Variants in FHIP1A observed in about 807,000 individuals in gnomAD.
The protein encoded by FHIP1A is FHF complex subunit HOOK interacting protein 1A, also known as FHF complex subunit HOOK-interacting protein 1A.
A neutral mutation model predicts 88.6 loss-of-function variants in FHIP1A; 61 were observed. The observed-to-expected ratio is 0.69, with a 90% confidence interval of 0.56 to 0.85. FHIP1A has a LOEUF of 0.85. Among genes scored for constraint, FHIP1A ranks in the 40% least tolerant of loss-of-function variants. FHIP1A has a pLI of 0.00. For missense variants in FHIP1A, 1,154 were observed against 1,273.5 expected (o/e 0.91, Z 1.43); for synonymous variants, 478 against 496.0 (o/e 0.96, Z 0.48).
At chr4:151,516,781 T>A (rs1367584519) in intron 3 of FHIP1A, among the ~76,000 whole-genome samples, 5 of 151,582 alleles carry the variant, frequency 3.3e-5, no homozygotes, top group Non-Finnish European at 5.9e-5. Flanking sequence ...AGAATGGCAA[T>A]CATTCAAAAG....
chr4:151,556,231 T>G (rs1164832362), intron 3 of FHIP1A, among the ~76,000 whole-genome samples: 1 of 152,158 alleles, frequency 6.6e-6, no homozygotes, highest in Non-Finnish European at 1.5e-5. Flanking sequence ...GCTGCTAATT[T>G]CCTTACCAGT....
intron 3 of FHIP1A, among the ~76,000 whole-genome samples, chr4:151,492,671 T>A (rs191507185): frequency 6.6e-6 from 1 of 151,906 alleles, no homozygotes; most frequent in Non-Finnish European, 1.5e-5. Flanking sequence ...TGGAAATTAA[T>A]TCCAACAGGA....
chr4:151,513,930 ACTCAGCT>A (rs1397576606), intron 3 of FHIP1A, among the ~76,000 whole-genome samples: 1 of 150,608 alleles, frequency 6.6e-6, no homozygotes. Context: ...CAGGAATTGA[ACTCAGCT>A]CTGCACCAAG....
intron 2 of FHIP1A, among the ~76,000 whole-genome samples, chr4:151,480,313 A>G (rs1166579719): frequency 6.6e-6 from 1 of 152,090 alleles, no homozygotes; most frequent in Non-Finnish European, 1.5e-5. Flanking sequence ...AAGTAAAAGC[A>G]TATGTGTGCG....
chr4:151,596,267 TTC>T (rs1384550845), intron 7 of FHIP1A, among the ~76,000 whole-genome samples: 1 of 152,232 alleles, frequency 6.6e-6, no homozygotes, highest in Non-Finnish European at 1.5e-5. Context: ...AGGATTTTAT[TTC>T]TCCTTTGCTT....
intron 1 of FHIP1A, among the ~76,000 whole-genome samples, chr4:151,442,357 C>A (rs1301324515): frequency 6.6e-6 from 1 of 151,974 alleles, no homozygotes; most frequent in African/African-American, 2.4e-5. Flanking sequence ...AACAGAAAAA[C>A]CCCCCAAACC....
chr4:151,469,438 T>C (rs1028124951), intron 2 of FHIP1A, among the ~76,000 whole-genome samples: 7 of 152,182 alleles, frequency 4.6e-5, no homozygotes, highest in African/African-American at 1.7e-4. Context: ...GTGAGACATA[T>C]AGAGCAGGAG....
At chr4:151,568,362 C>T (rs1327185943) in intron 4 of FHIP1A, among the ~76,000 whole-genome samples, 1 of 152,164 alleles carries the variant, frequency 6.6e-6, no homozygotes, top group Non-Finnish European at 1.5e-5. Flanking sequence ...TTACTGTTGG[C>T]TCAGCCATTT....
At chr4:151,498,052 C>T (rs1383966716) in intron 3 of FHIP1A, among the ~76,000 whole-genome samples, 1 of 152,222 alleles carries the variant, frequency 6.6e-6, no homozygotes, top group African/African-American at 2.4e-5. Context: ...ATTCCATCCA[C>T]TGACCCCCTC....
At chr4:151,500,972 A>G (rs1400288902) in intron 3 of FHIP1A, among the ~76,000 whole-genome samples, 2 of 152,106 alleles carry the variant, frequency 1.3e-5, no homozygotes, top group Non-Finnish European at 2.9e-5. Flanking sequence ...TTAAAATGGC[A>G]CTCGTTTAAA....
At chr4:151,461,527 G>A (rs544426622) in intron 2 of FHIP1A, among the ~76,000 whole-genome samples, 48 of 152,238 alleles carry the variant, frequency 3.2e-4, no homozygotes, top group African/African-American at 1.2e-3. Flanking sequence ...TGTTTGAGAC[G>A]ATGAATATGC....
intron 3 of FHIP1A, among the ~76,000 whole-genome samples, chr4:151,485,975 TGGATGACGG>T (rs1376036714): frequency 2.0e-5 from 3 of 152,198 alleles, no homozygotes; most frequent in Non-Finnish European, 2.9e-5. Context: ...AATTTTTCCA[TGGATGACGG>T]GGATGGCGTG....
intron 7 of FHIP1A, among the ~76,000 whole-genome samples, chr4:151,610,649 A>G (rs11723438): frequency 0.29 from 43,359 of 152,020 alleles, 6,419 homozygotes; most frequent in Non-Finnish European, 0.33. Flanking sequence ...TTAAATGCCC[A>G]TGCTTATGCC....
chr4:151,485,045 A>G (rs1730027812), intron 3 of FHIP1A, among the ~76,000 whole-genome samples: 1 of 152,230 alleles, frequency 6.6e-6, no homozygotes, highest in Non-Finnish European at 1.5e-5. Context: ...TAAATAACAC[A>G]AAAATATACC....
chr4:151,570,282 G>A (rs1472330065), intron 4 of FHIP1A, among the ~76,000 whole-genome samples: 1 of 152,020 alleles, frequency 6.6e-6, no homozygotes, highest in Non-Finnish European at 1.5e-5. Flanking sequence ...TCTTCTTTCT[G>A]CCTGAAATAT....
intron 4 of FHIP1A, among the ~76,000 whole-genome samples, chr4:151,574,883 C>T (rs1388800624): frequency 6.6e-6 from 1 of 151,148 alleles, no homozygotes; most frequent in East Asian, 1.9e-4. Context: ...TTCTAATTCT[C>T]TTATTCTTGA....
chr4:151,620,877 A>G (rs1266084954), intron 7 of FHIP1A, among the ~76,000 whole-genome samples: 1 of 134,962 alleles, frequency 7.4e-6, no homozygotes, highest in Non-Finnish European at 1.7e-5. Context: ...CACACCGAGA[A>G]TAAAAAAAAA....
chr4:151,471,841 C>T (rs1309610684), intron 2 of FHIP1A, among the ~76,000 whole-genome samples: 1 of 152,156 alleles, frequency 6.6e-6, no homozygotes. Flanking sequence ...TAGCTTAGCT[C>T]CTACTTATGA....
chr4:151,503,421 A>C (rs1730718728), intron 3 of FHIP1A, among the ~76,000 whole-genome samples: 1 of 152,096 alleles, frequency 6.6e-6, no homozygotes, highest in African/African-American at 2.4e-5. Flanking sequence ...TAGGTTGTAA[A>C]TTGACTGTCA....
Sources: allele counts gnomAD v4.1 joint callset (sites outside exome capture counted in the v4.1 genomes callset), GRCh38; gene constraint gnomAD v4.1.1; transcripts MANE v1.5; gene names NCBI Gene and HGNC (gene_info 2026-07-23, HGNC 2026-07-21).